TPD52L1: variants seen among roughly 807,000 people sequenced by gnomAD.
TPD52L1 encodes the protein TPD52 like 1.
TPD52L1 carries 18 observed loss-of-function variants against 28.7 expected under a neutral mutation model. The observed-to-expected ratio is 0.63, with a 90% CI of 0.43 to 0.93. The LOEUF is 0.93. TPD52L1 is among the 40% of genes least tolerant of loss of function. The pLI, the probability that TPD52L1 is intolerant of heterozygous loss-of-function variation, is 0.00. For missense variants in TPD52L1, 203 were observed against 254.8 expected, an observed-to-expected ratio of 0.80 and a Z score of 1.39; for synonymous variants, 75 against 88.8, an observed-to-expected ratio of 0.84 and a Z score of 0.88.
chr6:125,226,271 T>C (rs140652426), intron 2 of TPD52L1, among the ~76,000 whole-genome samples: 1 of 152,196 alleles, frequency 6.6e-6, no homozygotes, highest in South Asian at 2.1e-4. Flanking sequence ...CATGTCTTCA[T>C]TATTAGAGGT....
chr6:125,208,595 C>T (rs759950701), intron 1 of TPD52L1, among the ~76,000 whole-genome samples: 9 of 152,058 alleles, frequency 5.9e-5, no homozygotes, highest in Non-Finnish European at 1.0e-4. Flanking sequence ...TTTTTAGAGA[C>T]ATTTTCTTAT....
intron 1 of TPD52L1, among the ~76,000 whole-genome samples, chr6:125,212,388 C>T (rs2114935666): frequency 6.6e-6 from 1 of 152,198 alleles, no homozygotes; most frequent in African/African-American, 2.4e-5. Context: ...ACATATTTGC[C>T]AACAATGCAG....
intron 1 of TPD52L1, chr6:125,203,733 C>T (rs1250446967): frequency 2.0e-6 from 2 of 985,178 alleles, no homozygotes; most frequent in Non-Finnish European, 2.4e-6. Context: ...AGTTGGCTCC[C>T]CTGGAGTGAA....
chr6:125,262,786 A>C, intron 6 of TPD52L1, 48 bp from the exon 7 acceptor site: 1 of 1,556,388 alleles, frequency 6.4e-7, no homozygotes, highest in Non-Finnish European at 8.7e-7. Context: ...AACATTACAA[A>C]AATGATAGTA....
chr6:125,184,001 A>G (rs1003664159), intron 1 of TPD52L1, among the ~76,000 whole-genome samples: 1 of 152,322 alleles, frequency 6.6e-6, no homozygotes, highest in East Asian at 1.9e-4. Flanking sequence ...GCATCTATCA[A>G]TCAGGGTCCA....
chr6:125,157,770 C>A (rs1200976047), intron 1 of TPD52L1, among the ~76,000 whole-genome samples: 1 of 151,966 alleles, frequency 6.6e-6, no homozygotes, highest in African/African-American at 2.4e-5. Context: ...TTAACATTTG[C>A]ATATATTCAA....
intron 2 of TPD52L1, among the ~76,000 whole-genome samples, chr6:125,228,725 G>A (rs1324894901): frequency 2.0e-5 from 3 of 152,000 alleles, no homozygotes; most frequent in Non-Finnish European, 4.4e-5. Flanking sequence ...TATAAAATAA[G>A]GGTACAGTAG....
At chr6:125,220,462 T>G (rs1435512226) in intron 2 of TPD52L1, among the ~76,000 whole-genome samples, 1 of 152,202 alleles carries the variant, frequency 6.6e-6, no homozygotes, top group Admixed American at 6.5e-5. Flanking sequence ...TTCTTATTCT[T>G]TTTACTGTCA....
chr6:125,256,173 C>T (rs1797588032), intron 5 of TPD52L1, among the ~76,000 whole-genome samples: 1 of 152,024 alleles, frequency 6.6e-6, no homozygotes, highest in African/African-American at 2.4e-5. Flanking sequence ...CATGGTGAAA[C>T]CCCATCTCTA....
At chr6:125,196,205 G>A (rs1460346310) in intron 1 of TPD52L1, among the ~76,000 whole-genome samples, 1 of 152,070 alleles carries the variant, frequency 6.6e-6, no homozygotes. Context: ...GGAAAGATAA[G>A]CTTTCTGTAG....
intron 1 of TPD52L1, among the ~76,000 whole-genome samples, chr6:125,157,251 C>T (rs1192940858): frequency 6.6e-6 from 1 of 152,208 alleles, no homozygotes. Context: ...AGTTGTACCT[C>T]ATATTGTCCA....
At chr6:125,166,773 T>TA (rs138251121) in intron 1 of TPD52L1, among the ~76,000 whole-genome samples, 15,474 of 137,454 alleles carry the variant, frequency 0.11, 2,480 homozygotes, top group African/African-American at 0.36. Context: ...ATGACTTCTT[T>TA]AAAAAAAAAA....
At chr6:125,227,336 G>A (rs1392291914) in intron 2 of TPD52L1, among the ~76,000 whole-genome samples, 6 of 138,026 alleles carry the variant, frequency 4.3e-5, no homozygotes, top group Non-Finnish European at 8.0e-5. Flanking sequence ...GTGAAAGACT[G>A]GGGGGTTTTA....
At chr6:125,185,244 T>G (rs1792521626) in intron 1 of TPD52L1, among the ~76,000 whole-genome samples, 1 of 152,186 alleles carries the variant, frequency 6.6e-6, no homozygotes, top group African/African-American at 2.4e-5. Flanking sequence ...AGATAGTAGA[T>G]AACAGGTTAG....
At chr6:125,196,401 A>G (rs1002792359) in intron 1 of TPD52L1, among the ~76,000 whole-genome samples, 2 of 152,240 alleles carry the variant, frequency 1.3e-5, no homozygotes, top group Non-Finnish European at 2.9e-5. Flanking sequence ...AAGCTTAACT[A>G]TAGTTGTAAT....
chr6:125,239,303 G>A (rs1184358642), intron 3 of TPD52L1, among the ~76,000 whole-genome samples: 1 of 151,980 alleles, frequency 6.6e-6, no homozygotes, highest in Non-Finnish European at 1.5e-5. Flanking sequence ...GTCTGTATTA[G>A]TCTGTTAATG....
intron 3 of TPD52L1, among the ~76,000 whole-genome samples, chr6:125,243,432 A>G (rs1796737152): frequency 6.6e-6 from 1 of 152,000 alleles, no homozygotes; most frequent in Non-Finnish European, 1.5e-5. Context: ...TTCCTCAGAA[A>G]CAGCAATTAT....
At chr6:125,249,238 G>T (rs889980053) in intron 4 of TPD52L1, among the ~76,000 whole-genome samples, 1 of 151,230 alleles carries the variant, frequency 6.6e-6, no homozygotes, top group Non-Finnish European at 1.5e-5. Context: ...GATATGCCTT[G>T]GAGGATTTTT....
intron 2 of TPD52L1, among the ~76,000 whole-genome samples, chr6:125,222,861 G>A (rs1241273709): frequency 1.3e-5 from 2 of 152,066 alleles, no homozygotes; most frequent in Non-Finnish European, 2.9e-5. Context: ...GTCTAAGATG[G>A]AATGTTAAAC....
Sources: allele counts gnomAD v4.1 joint callset (sites outside exome capture counted in the v4.1 genomes callset), GRCh38; gene constraint gnomAD v4.1.1; transcripts MANE v1.5; gene names NCBI Gene and HGNC (gene_info 2026-07-23, HGNC 2026-07-21).